The following PARD6G variants were observed in gnomAD, a reference collection of about 807,000 sequenced individuals.
PARD6G encodes partitioning defective 6 homolog gamma.
In PARD6G, 7 loss-of-function variants were observed where a neutral mutation model predicts 10.7. The observed-to-expected ratio is 0.66, with a 90% confidence interval of 0.37 to 1.23. The LOEUF is 1.23. Among genes scored for constraint, PARD6G ranks in the 50% most tolerant of loss-of-function variants. The probability of loss-of-function intolerance (pLI) is 0.02; values close to 1 mark genes in which losing one functional copy is unlikely to be tolerated. For missense variants in PARD6G, 548 were observed against 571.8 expected (o/e 0.96, Z 0.42); for synonymous variants, 287 against 269.4 (o/e 1.07, Z -0.64).
rs1967317826 is a variant in PARD6G at position 80,228,281 on chromosome 18, T to C, written c.72+18996A>G. Among the ~76,000 whole-genome samples the C allele has an allele frequency of 6.6e-6, 1 of 151,550 alleles. No homozygotes were observed. The highest frequency in any genetic ancestry group is 2.4e-5 in the African/African-American group (1 of 41,180). On this transcript the variant is annotated intron_variant, in intron 1 of 2. Transcript: ENST00000353265. This position sits in a 1 kb window ranked among gnomAD's most constrained non-coding sequence, Gnocchi z 4.6. ...CAAGTGAAAACTGCGGAAGCCGCCA[T>C]GGGGAGGTGAGGGGAGGTGAGCGGA...
In PARD6G at chr18:80,175,258, C is replaced by T. The variant is rs1434871444; in HGVS notation, c.296-14652G>A. Among the ~76,000 whole-genome samples, 4 of 152,194 alleles carry T rather than the reference C, an allele frequency of 2.6e-5. No individual in the cohort carries two copies. Among genetic ancestry groups the T allele is most frequent in the Non-Finnish European group, 5.9e-5 (4 of 68,030 alleles). ...AACATAATGTGTGTCTTAGCTCCAG[C>T]GGCCATAACAAAATACCACAGATGG... is the stretch of plus-strand genomic sequence containing the variant. On this transcript the variant is annotated intron_variant, in intron 2 of 2. Coordinates refer to ENST00000353265, the MANE Select transcript of PARD6G (RefSeq NM_032510.4). This position sits in a 1 kb window ranked among gnomAD's most constrained non-coding sequence, Gnocchi z 6.7.
chr18:80,197,185 G>T (rs1200268569), intron 2 of PARD6G, among the ~76,000 whole-genome samples: 1 of 152,196 alleles, frequency 6.6e-6, no homozygotes, highest in African/African-American at 2.4e-5. Context: ...TTAACTGAGG[G>T]CTTCCTGATG....
chr18:80,222,110 A>G (rs1001983527), intron 1 of PARD6G, among the ~76,000 whole-genome samples: 1 of 152,020 alleles, frequency 6.6e-6, no homozygotes, highest in Non-Finnish European at 1.5e-5. Context: ...TTTTAAATGA[A>G]GTCTTGCTCT....
chr18:80,160,660 C>A (rs1415235329), intron 2 of PARD6G, 54 bp from the exon 3 acceptor site: 1 of 1,427,440 alleles, frequency 7.0e-7, no homozygotes, highest in Non-Finnish European at 9.1e-7. Context: ...CGCCTGAGCC[C>A]TCGGCCGTCA....
At chr18:80,210,084 T>C (rs900982898) in intron 1 of PARD6G, among the ~76,000 whole-genome samples, 3 of 152,098 alleles carry the variant, frequency 2.0e-5, no homozygotes, top group Non-Finnish European at 4.4e-5. Context: ...GCGATAAAAG[T>C]AATGTTCCAT....
At chr18:80,242,630 ACT>A (rs1434918547) in intron 1 of PARD6G, among the ~76,000 whole-genome samples, 2 of 152,074 alleles carry the variant, frequency 1.3e-5, no homozygotes, top group Non-Finnish European at 2.9e-5. Context: ...AGGTCACAAC[ACT>A]CTCAGAGCCA....
In PARD6G at chr18:80,183,197, G is replaced by C. The variant is rs994154622; in HGVS notation, c.295+19513C>G. ...AGTGGAGGGCCTTGCAATGTGAAAG[G>C]GTGGGAGAGAGAAAGCCAGAGAGAC... On this transcript the variant is annotated intron_variant, in intron 2 of 2. Transcript: ENST00000353265. This position sits in a 1 kb window ranked among gnomAD's most constrained non-coding sequence, Gnocchi z 4.5. 1 of 702,802 alleles carries C rather than the reference G, an allele frequency of 1.4e-6. No homozygotes were observed. The highest frequency in any genetic ancestry group is 1.7e-5 in the African/African-American group (1 of 57,224). The allele number at this position is 702,802 out of a possible 1,614,324, so 43.5% of individuals were successfully genotyped here. A position where few individuals can be genotyped will look rare whatever the true frequency, so the allele number is the denominator to read the frequency against.
chr18:80,175,703 AT>A lies in PARD6G; in HGVS notation c.296-15098del, dbSNP rs1386716855. Among the ~76,000 whole-genome samples the A allele has an allele frequency of 1.3e-5, 2 of 152,168 alleles. No homozygotes were observed. The highest frequency in any genetic ancestry group is 2.9e-5 in the Non-Finnish European group (2 of 68,038). On this transcript the variant is annotated intron_variant, in intron 2 of 2. Coordinates refer to ENST00000353265, the MANE Select transcript of PARD6G (RefSeq NM_032510.4). This position sits in a 1 kb window ranked among gnomAD's most constrained non-coding sequence, Gnocchi z 6.7. ...ACCCTCGTTCCACCACCGCAGGGACATTAGGTGTTTGGGCTTTTGCCAAATG... is the reference window on the plus strand; with the variant it reads ...ACCCTCGTTCCACCACCGCAGGGACATAGGTGTTTGGGCTTTTGCCAAATG...
At chr18:80,178,163 C>G (rs780884309) in intron 2 of PARD6G, 6 of 167,092 alleles carry the variant, frequency 3.6e-5, no homozygotes, top group African/African-American at 1.4e-4. Flanking sequence ...CCATGTCTGT[C>G]CCAGTGGAGA....
At chr18:80,242,039 G>A (rs957932263) in intron 1 of PARD6G, among the ~76,000 whole-genome samples, 13 of 152,134 alleles carry the variant, frequency 8.5e-5, no homozygotes, top group Non-Finnish European at 1.5e-4. Context: ...TCCTAGGAAA[G>A]GGCTCTACCC....
chr18:80,234,593 T>C (rs1338087824), intron 1 of PARD6G, among the ~76,000 whole-genome samples: 2 of 151,858 alleles, frequency 1.3e-5, no homozygotes, highest in Non-Finnish European at 2.9e-5. Flanking sequence ...ATCACCCCCA[T>C]AGGGCAGACT....
chr18:80,241,624 C>A (rs551910164), intron 1 of PARD6G, among the ~76,000 whole-genome samples: 1 of 152,190 alleles, frequency 6.6e-6, no homozygotes, highest in Non-Finnish European at 1.5e-5. Flanking sequence ...CCTCTCTGCA[C>A]AGCAGGCAAC....
rs761275834 is a variant in PARD6G, at chr18:80,196,746, G to T, written c.295+5964C>A. Among the ~76,000 whole-genome samples the T allele has an allele frequency of 2.5e-4, 38 of 152,204 alleles. 1 individual carries two copies. In the Middle Eastern group the frequency reaches 0.014, roughly 55 times the overall value. On this transcript the variant is annotated intron_variant, in intron 2 of 2. Coordinates refer to ENST00000353265, the MANE Select transcript of PARD6G (RefSeq NM_032510.4). ...CAACCCTGGATTCTTCTGGAGGGGG[G>T]CCTCTGGCTCTGTTTCTTTTTGACA...
chr18:80,174,562 A>G (rs1416747881), intron 2 of PARD6G, among the ~76,000 whole-genome samples: 1 of 152,158 alleles, frequency 6.6e-6, no homozygotes, highest in Non-Finnish European at 1.5e-5. Context: ...TTTAGTTCAC[A>G]CTCAGGGGTA....
chr18:80,216,985 CT>C lies in PARD6G; in HGVS notation c.73-14054del, dbSNP rs141607139. 6.7e-3 allele frequency among the ~76,000 whole-genome samples: 1,023 copies of C among 152,196 alleles called. 10 individuals are homozygous for C. The highest frequency in any genetic ancestry group is 0.011 in the Non-Finnish European group (721 of 68,000). On this transcript the variant is annotated intron_variant, in intron 1 of 2. Coordinates refer to ENST00000353265, the MANE Select transcript of PARD6G (RefSeq NM_032510.4). ...AACATTCTAGTAGCAATGATCACAC[CT>C]AGCATGCAAGGAACCAAGACTCCTT... is the stretch of plus-strand genomic sequence containing the variant.
chr18:80,236,302 T>C (rs978184655), intron 1 of PARD6G, among the ~76,000 whole-genome samples: 1 of 152,114 alleles, frequency 6.6e-6, no homozygotes, highest in Non-Finnish European at 1.5e-5. Context: ...AATTCAACAA[T>C]GCTTCATGCT....
intron 1 of PARD6G, among the ~76,000 whole-genome samples, chr18:80,209,140 AC>A (rs1015643566): frequency 2.0e-5 from 3 of 151,410 alleles, no homozygotes; most frequent in Non-Finnish European, 4.4e-5. Context: ...AAAAAAACAC[AC>A]CTTTCCCTCA....
chr18:80,201,748 G>GTT lies in PARD6G; in HGVS notation c.295+960_295+961dup, dbSNP rs1304991910. 1.3e-5 allele frequency among the ~76,000 whole-genome samples: 2 copies of GTT among 152,268 alleles called. No homozygotes were observed. The highest frequency in any genetic ancestry group is 2.9e-5 in the Non-Finnish European group (2 of 68,052). On this transcript the variant is annotated intron_variant, in intron 2 of 2. Coordinates refer to ENST00000353265, the MANE Select transcript of PARD6G (RefSeq NM_032510.4). The surrounding 1 kb of genome is among the most constrained non-coding windows in gnomAD (Gnocchi z 5.9). ...TCACCCTCACAGAAACTGGATGGGG[G>GTT]TTACTATGAGGACCCTCGTTTTGCA...
rs951604415 is a variant in PARD6G, at chr18:80,184,214, T to G, written c.295+18496A>C. 14 of 152,224 alleles carry G rather than the reference T, an allele frequency of 9.2e-5. No individual in the cohort carries two copies. Among genetic ancestry groups the G allele is most frequent in the African/African-American group, 2.9e-4 (12 of 41,456 alleles). The allele number at this position is 152,224 out of a possible 1,614,324, so 9.4% of individuals were successfully genotyped here. On this transcript the variant is annotated intron_variant, in intron 2 of 2. Transcript: ENST00000353265. This position sits in a 1 kb window ranked among gnomAD's most constrained non-coding sequence, Gnocchi z 4.5. The stretch of plus-strand genomic sequence containing the variant: ...TAAGGTCAGGAACAAGACGAGGGTG[T>G]CCGCTCTTATTCCTTTCAGCCTCGG...
Sources: gnomAD v4.1 joint callset for allele counts (sites outside exome capture counted in the v4.1 genomes callset) on GRCh38, gnomAD v4.1.1 for gene constraint, Gnocchi (gnomAD v3.1) non-coding constraint, MANE v1.5 for transcripts, NCBI Gene and HGNC (gene_info 2026-07-23, HGNC 2026-07-21) for gene names.